LRMDA: variants seen among roughly 807,000 people sequenced by gnomAD.
The protein encoded by LRMDA is leucine-rich melanocyte differentiation-associated protein.
Under a neutral mutation model 29.8 loss-of-function variants are expected in LRMDA, and 18 were observed. The observed-to-expected ratio is 0.60, with a 90% CI of 0.42 to 0.90. The LOEUF (loss-of-function observed/expected upper bound fraction) is 0.90, where lower values mean the gene tolerates loss of function less well. LRMDA is among the 40% of genes least tolerant of loss of function. The pLI is 0.00. For synonymous variants in LRMDA, 125 were observed against 109.4 expected, an observed-to-expected ratio of 1.14 and a Z score of -0.89; for missense variants, 273 against 273.9, an observed-to-expected ratio of 1.00 and a Z score of 0.02.
chr10:76,243,470 A>G (rs1852317530), intron 5 of LRMDA, among the ~76,000 whole-genome samples: 2 of 152,156 alleles, frequency 1.3e-5, no homozygotes, highest in African/African-American at 2.4e-5. Flanking sequence ...ACTCTTGCAA[A>G]AGGAGGGCTG....
chr10:75,844,176 A>G (rs563832667), intron 2 of LRMDA, among the ~76,000 whole-genome samples: 12 of 152,336 alleles, frequency 7.9e-5, no homozygotes, highest in African/African-American at 2.9e-4. Context: ...CATTAGAAAT[A>G]TAATCAAATT....
intron 6 of LRMDA, among the ~76,000 whole-genome samples, chr10:76,343,102 A>G (rs903495179): frequency 2.0e-5 from 3 of 152,220 alleles, no homozygotes; most frequent in African/African-American, 7.2e-5. Flanking sequence ...AGAGATGTGC[A>G]GATAGGCTGT....
At chr10:76,064,182 A>C (rs1194407659) in intron 5 of LRMDA, among the ~76,000 whole-genome samples, 1 of 152,224 alleles carries the variant, frequency 6.6e-6, no homozygotes, top group Non-Finnish European at 1.5e-5. Context: ...ACTGGCAGAA[A>C]AGACAGATTC....
chr10:76,242,798 A>G (rs1473439131), intron 5 of LRMDA, among the ~76,000 whole-genome samples: 1 of 152,212 alleles, frequency 6.6e-6, no homozygotes, highest in Non-Finnish European at 1.5e-5. Flanking sequence ...TTGTGTAACC[A>G]TACAACACCG....
chr10:75,879,170 G>A (rs1330848376), intron 2 of LRMDA, among the ~76,000 whole-genome samples: 6 of 152,216 alleles, frequency 3.9e-5, no homozygotes, highest in Non-Finnish European at 7.3e-5. Context: ...CTTGAGTGAT[G>A]CAGGGTGGTG....
At chr10:76,313,685 G>C (rs1840657274) in intron 5 of LRMDA, among the ~76,000 whole-genome samples, 1 of 152,206 alleles carries the variant, frequency 6.6e-6, no homozygotes, top group African/African-American at 2.4e-5. Context: ...GAAAAAAAGT[G>C]TGTGTGTATA....
At chr10:76,034,982 ACTTGT>A (rs1386255343) in intron 2 of LRMDA, among the ~76,000 whole-genome samples, 1 of 151,738 alleles carries the variant, frequency 6.6e-6, no homozygotes, top group Non-Finnish European at 1.5e-5. Flanking sequence ...CCAGGCAAGC[ACTTGT>A]GCACAACTAC....
chr10:75,637,580 G>A (rs1158558215), intron 2 of LRMDA, among the ~76,000 whole-genome samples: 5 of 152,136 alleles, frequency 3.3e-5, no homozygotes, highest in Non-Finnish European at 7.3e-5. Context: ...TAGTTTTCTC[G>A]GAAAGCTGCA....
At chr10:75,660,774 C>T (rs1240230784) in intron 2 of LRMDA, among the ~76,000 whole-genome samples, 1 of 151,214 alleles carries the variant, frequency 6.6e-6, no homozygotes, top group Non-Finnish European at 1.5e-5. Context: ...ATTCACAAGC[C>T]AAGTTTCAAG....
chr10:76,304,126 C>T (rs749687744), intron 5 of LRMDA, among the ~76,000 whole-genome samples: 5 of 152,072 alleles, frequency 3.3e-5, no homozygotes, highest in Non-Finnish European at 7.3e-5. Context: ...CTTTTAATTA[C>T]TCATTCATCA....
chr10:75,644,413 A>C (rs530012367), intron 2 of LRMDA, among the ~76,000 whole-genome samples: 1 of 152,338 alleles, frequency 6.6e-6, no homozygotes, highest in African/African-American at 2.4e-5. Flanking sequence ...TCAACCTGGC[A>C]ACCCAACCAA....
intron 2 of LRMDA, among the ~76,000 whole-genome samples, chr10:75,636,969 T>C (rs544872189): frequency 6.6e-6 from 1 of 152,372 alleles, no homozygotes; most frequent in South Asian, 2.1e-4. Context: ...CTATCTAACC[T>C]ATTGAACACT....
chr10:75,447,207 A>T (rs971063573), intron 2 of LRMDA, among the ~76,000 whole-genome samples: 2 of 152,196 alleles, frequency 1.3e-5, no homozygotes, highest in African/African-American at 4.8e-5. Flanking sequence ...AGTAAAAAAA[A>T]ATATTTTTGT....
chr10:76,478,858 C>G (rs560494448), intron 6 of LRMDA, among the ~76,000 whole-genome samples: 78 of 144,140 alleles, frequency 5.4e-4, no homozygotes, highest in African/African-American at 1.8e-3. Context: ...GAGAACACTT[C>G]GACACAGGAA....
intron 2 of LRMDA, among the ~76,000 whole-genome samples, chr10:75,917,711 G>A (rs946181630): frequency 2.0e-5 from 3 of 152,126 alleles, no homozygotes; most frequent in African/African-American, 7.2e-5. Context: ...CAACATGGCA[G>A]GAACATTTAA....
intron 2 of LRMDA, among the ~76,000 whole-genome samples, chr10:75,574,553 A>G (rs1466959181): frequency 6.6e-6 from 1 of 152,176 alleles, no homozygotes; most frequent in African/African-American, 2.4e-5. Flanking sequence ...CTGCTTTGGC[A>G]TCATTTTCCT....
At chr10:76,515,151 G>A (rs999681618) in intron 6 of LRMDA, among the ~76,000 whole-genome samples, 3 of 152,118 alleles carry the variant, frequency 2.0e-5, no homozygotes, top group African/African-American at 7.2e-5. Context: ...GTGATGTGCT[G>A]TTTCTGCTTC....
intron 2 of LRMDA, among the ~76,000 whole-genome samples, chr10:76,021,717 C>T (rs1847977290): frequency 6.6e-6 from 1 of 152,184 alleles, no homozygotes; most frequent in South Asian, 2.1e-4. Context: ...GCCTCTCCAG[C>T]TTTTTCTCTC....
chr10:76,487,479 G>C (rs973572364), intron 6 of LRMDA, among the ~76,000 whole-genome samples: 1 of 151,804 alleles, frequency 6.6e-6, no homozygotes, highest in Non-Finnish European at 1.5e-5. Context: ...GAAGTATTTT[G>C]GATGCATGTG....
Sources: allele counts gnomAD v4.1 joint callset (sites outside exome capture counted in the v4.1 genomes callset), GRCh38; gene constraint gnomAD v4.1.1; transcripts MANE v1.5; gene names NCBI Gene and HGNC (gene_info 2026-07-23, HGNC 2026-07-21).